Variants in ADGRA3 observed in about 807,000 individuals in gnomAD.
ADGRA3 encodes the protein adhesion G protein-coupled receptor A3.
A neutral mutation model predicts 119.8 loss-of-function variants in ADGRA3; 56 were observed. The observed-to-expected ratio is 0.47, with a 90% confidence interval of 0.38 to 0.58. ADGRA3 has a LOEUF of 0.58. Ranked by LOEUF, ADGRA3 falls within the 20% of genes least tolerant of loss-of-function variation. ADGRA3 has a pLI of 0.00. For missense variants in ADGRA3, 1,516 were observed against 1,649.0 expected, an observed-to-expected ratio of 0.92 and a Z score of 1.40; for synonymous variants, 607 against 623.8, an observed-to-expected ratio of 0.97 and a Z score of 0.40.
intron 12 of ADGRA3, among the ~76,000 whole-genome samples, chr4:22,417,623 G>A (rs1031677882): frequency 2.0e-5 from 3 of 152,268 alleles, no homozygotes; most frequent in African/African-American, 4.8e-5. Flanking sequence ...GCTACAGAGA[G>A]ACCACAGTCT....
intron 10 of ADGRA3, among the ~76,000 whole-genome samples, chr4:22,428,746 G>C (rs1488995286): frequency 1.3e-5 from 2 of 152,214 alleles, no homozygotes; most frequent in Admixed American, 1.3e-4. Context: ...AGTTTTAAAA[G>C]TGTATTTGTC....
chr4:22,437,312 T>C (rs973126664), intron 8 of ADGRA3, among the ~76,000 whole-genome samples: 5 of 152,194 alleles, frequency 3.3e-5, no homozygotes, highest in Non-Finnish European at 7.3e-5. Flanking sequence ...AATGGCAAAC[T>C]AGCTGAGATA....
chr4:22,515,992 G>T lies in ADGRA3; in HGVS notation c.-208C>A, dbSNP rs1560357708. The T allele has an allele frequency of 1.2e-5, 2 of 165,890 alleles. No homozygotes were observed. The highest frequency in any genetic ancestry group is 2.5e-5 in the Non-Finnish European group (2 of 80,736). The allele number at this position is 165,890 out of a possible 1,614,324, so 10.3% of individuals were successfully genotyped here. A position where few individuals can be genotyped will look rare whatever the true frequency, so the allele number is the denominator to read the frequency against. ...GGGAGCCGGGGGTCACGGCCGCATG[G>T]GTCCCAGCGCCGCTCTACCGCCCGG... On this transcript the variant is annotated 5_prime_UTR_variant, in exon 1 of 19. Transcript: ENST00000334304.
At chr4:22,412,808 T>C (rs750899498) in intron 14 of ADGRA3, among the ~76,000 whole-genome samples, 1 of 152,144 alleles carries the variant, frequency 6.6e-6, no homozygotes, top group African/African-American at 2.4e-5. Context: ...GATTGCAAAG[T>C]AGGAAAATGT....
intron 14 of ADGRA3, among the ~76,000 whole-genome samples, chr4:22,404,149 T>TA (rs1216970054): frequency 1.3e-5 from 2 of 152,046 alleles, no homozygotes; most frequent in East Asian, 3.9e-4. Context: ...CTCTTATAGC[T>TA]AAAAAGTGAC....
intron 4 of ADGRA3, among the ~76,000 whole-genome samples, chr4:22,452,007 G>T (rs1717061834): frequency 6.6e-6 from 1 of 152,088 alleles, no homozygotes; most frequent in South Asian, 2.1e-4. Context: ...AAAAATCTGG[G>T]GACAGTAGCA....
intron 1 of ADGRA3, among the ~76,000 whole-genome samples, chr4:22,507,574 T>C (rs1425511606): frequency 6.6e-6 from 1 of 152,134 alleles, no homozygotes; most frequent in Non-Finnish European, 1.5e-5. Context: ...CACCAAACAT[T>C]ATCATATTCG....
rs370275522 is a variant in ADGRA3 at position 22,392,494 on chromosome 4, T to C, written c.2627+51A>G. ...GCAATTTTGTTATAATTTATGATTATGCTTCAATGAAAGCAAACAAAACAA... is the reference window on the plus strand; with the variant it reads ...GCAATTTTGTTATAATTTATGATTACGCTTCAATGAAAGCAAACAAAACAA... On this transcript the variant is annotated intron_variant, in intron 17 of 18. Transcript: ENST00000334304. 341 of 1,594,084 alleles carry C rather than the reference T, an allele frequency of 2.1e-4. 2 individuals are homozygous for C. In the African/African-American group the frequency reaches 4.0e-3, roughly 19 times the overall value.
intron 16 of ADGRA3, 115 bp downstream of exon 16, chr4:22,401,315 TA>T: frequency 1.1e-6 from 1 of 890,528 alleles, no homozygotes; most frequent in Non-Finnish European, 1.6e-6. Context: ...ACAATAAATT[TA>T]ACTTTAATCA....
At chr4:22,436,355 T>TTA in intron 9 of ADGRA3, 85 bp downstream of exon 9, 2 of 857,120 alleles carry the variant, frequency 2.3e-6, no homozygotes, top group Non-Finnish European at 3.5e-6. Flanking sequence ...TGCCTAGTAT[T>TTA]AAAAAAAAAA....
At chr4:22,504,816 T>G (rs1384573264) in intron 1 of ADGRA3, among the ~76,000 whole-genome samples, 1 of 152,118 alleles carries the variant, frequency 6.6e-6, no homozygotes, top group Non-Finnish European at 1.5e-5. Flanking sequence ...CAGCAGGTTC[T>G]CAACCCAAGT....
intron 2 of ADGRA3, among the ~76,000 whole-genome samples, chr4:22,472,550 T>TAC (rs1474722559): frequency 1.3e-3 from 202 of 152,152 alleles, no homozygotes; most frequent in African/African-American, 4.7e-3. Context: ...TATATATATA[T>TAC]ACACACAAAC....
At chr4:22,484,498 G>A (rs1718360881) in intron 1 of ADGRA3, among the ~76,000 whole-genome samples, 1 of 151,904 alleles carries the variant, frequency 6.6e-6, no homozygotes, top group African/African-American at 2.4e-5. Context: ...CCAGCTACTA[G>A]GAAGGCTGAA....
intron 1 of ADGRA3, among the ~76,000 whole-genome samples, chr4:22,512,896 G>A (rs1719496820): frequency 9.0e-6 from 1 of 110,558 alleles, no homozygotes; most frequent in Admixed American, 9.7e-5. Flanking sequence ...CTACTACCTA[G>A]AGGCCACTCA....
chr4:22,445,013 G>A lies in ADGRA3; in HGVS notation c.666C>T (p.Ala222=), dbSNP rs1384238105. The part of the protein sequence containing the change: ...TRCVYPKSLQ[A]QPVTGVKQEL... ...CCTGCTTCACGCCTGTGACTGGTTG[G>A]GCCTGCAGTGACTTAGGATAAACAC... The change falls in exon 6 of 19, where the codon GCC becomes GCT. Residue 222 remains alanine (A), a synonymous_variant. Coordinates refer to ENST00000334304, the MANE Select transcript of ADGRA3 (RefSeq NM_145290.4). The A allele has an allele frequency of 6.2e-7, 1 of 1,613,614 alleles. No homozygotes were observed.
intron 12 of ADGRA3, chr4:22,420,632 C>T: frequency 7.3e-6 from 4 of 550,902 alleles, no homozygotes; most frequent in Admixed American, 3.4e-5. Flanking sequence ...GCATTTATAC[C>T]ACTGCAGTTA....
intron 1 of ADGRA3, among the ~76,000 whole-genome samples, chr4:22,484,094 T>C (rs927906140): frequency 6.6e-5 from 10 of 152,170 alleles, no homozygotes; most frequent in African/African-American, 2.4e-4. Context: ...AAAGTCAAGA[T>C]TACTTTTATG....
intron 10 of ADGRA3, among the ~76,000 whole-genome samples, chr4:22,431,963 T>C (rs1233340660): frequency 6.6e-6 from 1 of 152,102 alleles, no homozygotes; most frequent in Non-Finnish European, 1.5e-5. Context: ...TCATTACATA[T>C]CATTTCAGTT....
chr4:22,388,025 C>G lies in ADGRA3; in HGVS notation c.3646G>C (p.Gly1216Arg). 2 of 1,614,092 alleles carry G rather than the reference C, an allele frequency of 1.2e-6. No homozygotes were observed. The highest frequency in any genetic ancestry group is 8.5e-7 in the Non-Finnish European group (1 of 1,180,006). ...LPKSRLGNNE[G>R]HSRSRRAYLA... is the part of the protein sequence containing the mutation. The stretch of plus-strand genomic sequence containing the variant: ...TAAGCTCTTCGGCTCCTCGAGTGTC[C>G]TTCGTTATTGCCCAGCCGGCTTTTA... Residue 1216 changes from glycine to arginine, a missense_variant, in exon 19 of 19, where the codon GGA (glycine) becomes CGA (arginine). By Grantham distance (125) the Gly-to-Arg change is moderately radical (BLOSUM62 -2). This residue lies in a region of ADGRA3 where 1,088 missense variants were observed against 1,107.1 expected (regional missense o/e 0.98). Coordinates refer to ENST00000334304, the MANE Select transcript of ADGRA3 (RefSeq NM_145290.4).
Sources: allele counts gnomAD v4.1 joint callset (sites outside exome capture counted in the v4.1 genomes callset), GRCh38; gene constraint gnomAD v4.1.1; regional missense constraint gnomAD v4.1.1; transcripts MANE v1.5; gene names NCBI Gene and HGNC (gene_info 2026-07-23, HGNC 2026-07-21).